Variants in PTGR1 observed in about 807,000 individuals in gnomAD.
The protein encoded by PTGR1 is prostaglandin reductase 1.
Under a neutral mutation model 37.7 loss-of-function variants are expected in PTGR1, and 23 were observed. That is an observed-to-expected ratio of 0.61 (90% CI 0.44 to 0.86). The LOEUF is 0.86. PTGR1 is among the 40% of genes least tolerant of loss of function. The pLI, the probability that PTGR1 is intolerant of heterozygous loss-of-function variation, is 0.00. For missense variants in PTGR1, 351 were observed against 394.3 expected (o/e 0.89, Z 0.93); for synonymous variants, 134 against 140.0 (o/e 0.96, Z 0.30).
At chr9:111,597,555 C>T in intron 1 of PTGR1, 123 bp from the exon 2 acceptor site, 1 of 617,078 alleles carries the variant, frequency 1.6e-6, no homozygotes, top group Non-Finnish European at 2.9e-6. Context: ...ATTATCATAT[C>T]ATGCCAACCA....
rs767824320 is a variant in PTGR1 at position 111,589,365 on chromosome 9, T to A, written c.210-3200A>T. 22 of 887,640 alleles carry A rather than the reference T, an allele frequency of 2.5e-5. No individual in the cohort carries two copies. The Admixed American group carries it at 2.5e-4, about 10-fold the overall frequency. The allele number at this position is 887,640 out of a possible 1,614,324, so 55.0% of individuals were successfully genotyped here. On this transcript the variant is annotated intron_variant, in intron 4 of 9. Transcript: ENST00000407693. ...AAGATCCATAGACGATTTCTACCAA[T>A]GGTATTATAATAACTGGCTAGTCAT...
At chr9:111,571,539 T>C (rs1407604321) in intron 8 of PTGR1, among the ~76,000 whole-genome samples, 1 of 150,750 alleles carries the variant, frequency 6.6e-6, no homozygotes, top group Non-Finnish European at 1.5e-5. Flanking sequence ...AGTAAAGTGG[T>C]GCCATCACTG....
chr9:111,591,757 T>G (rs1357515872), intron 4 of PTGR1, among the ~76,000 whole-genome samples: 1 of 152,142 alleles, frequency 6.6e-6, no homozygotes, highest in Non-Finnish European at 1.5e-5. Flanking sequence ...AAAAATTTTG[T>G]TTTATTTGAA....
downstream of PTGR1, among the ~76,000 whole-genome samples, chr9:111,558,764 T>C (rs1287118550): frequency 1.3e-5 from 2 of 152,180 alleles, no homozygotes; most frequent in Non-Finnish European, 2.9e-5. Flanking sequence ...CATACCTATT[T>C]TTTTGTCTCA....
downstream of PTGR1, among the ~76,000 whole-genome samples, chr9:111,560,111 C>A (rs925784969): frequency 5.9e-5 from 9 of 151,324 alleles, no homozygotes. Flanking sequence ...TTTGGGAGGC[C>A]TAGGTGGGTG....
rs975527524 is a variant in PTGR1 at position 111,567,474 on chromosome 9, C to T, written c.879+2617G>A. ...TGCTGGGATTACAAGTGTGAACCACCGTGCCAGTCCAGACGGCACTTTTTA... is the reference window on the plus strand; with the variant it reads ...TGCTGGGATTACAAGTGTGAACCACTGTGCCAGTCCAGACGGCACTTTTTA... On this transcript the variant is annotated intron_variant, in intron 9 of 9. Transcript: ENST00000407693. 5.3e-5 allele frequency among the ~76,000 whole-genome samples: 8 copies of T among 152,130 alleles called. No individual in the cohort carries two copies. The East Asian group carries it at 7.7e-4, about 15-fold the overall frequency.
At chr9:111,583,443 A>C in intron 6 of PTGR1, 29 bp downstream of exon 6, 1 of 1,539,262 alleles carries the variant, frequency 6.5e-7, no homozygotes, top group Middle Eastern at 1.7e-4. Flanking sequence ...GTTTTGAATA[A>C]AGGCTTGTTA....
chr9:111,576,575 C>T, intron 7 of PTGR1: 1 of 743,956 alleles, frequency 1.3e-6, no homozygotes, highest in Admixed American at 3.1e-5. Flanking sequence ...AGGCAAGTTA[C>T]TTAACACTTC....
Position 111,576,444 on chromosome 9 carries a change from T to C in PTGR1, c.652-1602A>G, listed in dbSNP as rs139721874. On this transcript the variant is annotated intron_variant, in intron 7 of 9. Transcript: ENST00000407693. ...ATGCTCTGCCTTCTTGTTTCAACTG[T>C]TACACAGAGATGACCAGAGGATGGG... 1,668 of 1,613,878 alleles carry C rather than the reference T, an allele frequency of 1.0e-3. 19 individuals are homozygous for C. In the African/African-American group the frequency reaches 0.02, roughly 19 times the overall value.
intron 8 of PTGR1, among the ~76,000 whole-genome samples, chr9:111,573,970 G>A (rs1172789124): frequency 1.3e-5 from 2 of 152,140 alleles, no homozygotes; most frequent in Admixed American, 6.6e-5. Flanking sequence ...CCCTTTTAGT[G>A]GCAATTGTCA....
intron 6 of PTGR1, among the ~76,000 whole-genome samples, chr9:111,579,386 T>C (rs1829202371): frequency 1.3e-5 from 2 of 152,048 alleles, no homozygotes; most frequent in Non-Finnish European, 2.9e-5. Flanking sequence ...CTTATCCTTT[T>C]TTGATTTTTT....
At chr9:111,585,900 C>T (rs1829414685) in intron 5 of PTGR1, 98 bp downstream of exon 5, 1 of 1,373,978 alleles carries the variant, frequency 7.3e-7, no homozygotes, top group Admixed American at 1.9e-5. Flanking sequence ...GCCTATCATG[C>T]ATCAAATATC....
chr9:111,598,685 G>A (rs1829854804), intron 1 of PTGR1, among the ~76,000 whole-genome samples: 1 of 151,920 alleles, frequency 6.6e-6, no homozygotes, highest in Admixed American at 6.6e-5. Flanking sequence ...AGTAGAGACG[G>A]GGTTTCCCCA....
chr9:111,591,774 C>T (rs1295300891), intron 4 of PTGR1, among the ~76,000 whole-genome samples: 1 of 152,114 alleles, frequency 6.6e-6, no homozygotes, highest in East Asian at 1.9e-4. Flanking sequence ...TGAATTTTTA[C>T]AATAATCATT....
downstream of PTGR1, among the ~76,000 whole-genome samples, chr9:111,561,800 C>G (rs1424769105): frequency 6.6e-6 from 1 of 151,734 alleles, no homozygotes; most frequent in African/African-American, 2.4e-5. Context: ...AATCTTAAGA[C>G]TTCAAAATCA....
Position 111,592,831 on chromosome 9 carries a change from G to A in PTGR1, c.209+95C>T, listed in dbSNP as rs1275288763. On this transcript the variant is annotated intron_variant, in intron 4 of 9. Coordinates refer to ENST00000407693, the MANE Select transcript of PTGR1 (RefSeq NM_001146108.2). ...ACACAGTGAGTCAACAACATAGGCT[G>A]AAGAAATTGTAGGAGCAATGGACAG... 7.3e-6 allele frequency: 11 copies of A among 1,508,720 alleles called. No individual in the cohort carries two copies. The East Asian group carries it at 2.3e-4, about 31-fold the overall frequency. The allele number at this position is 1,508,720 out of a possible 1,614,324, so 93.5% of individuals were successfully genotyped here.
At position 111,588,682 on chromosome 9, in the gene PTGR1, C is replaced by T. The variant is rs140462872; in HGVS notation, c.210-2517G>A. Among the ~76,000 whole-genome samples, 292 of 152,174 alleles carry T rather than the reference C, an allele frequency of 1.9e-3. 4 individuals are homozygous for T. The East Asian group carries it at 0.048, about 25-fold the overall frequency. On this transcript the variant is annotated intron_variant, in intron 4 of 9. Coordinates refer to ENST00000407693, the MANE Select transcript of PTGR1 (RefSeq NM_001146108.2). The stretch of plus-strand genomic sequence containing the variant: ...CTAGGATTACAGGCGCCCACCACCA[C>T]GCCTGGCTAATTTTTGTATTTTTAG...
intron 6 of PTGR1, among the ~76,000 whole-genome samples, chr9:111,582,077 G>GA (rs1829297713): frequency 6.6e-6 from 1 of 151,714 alleles, no homozygotes; most frequent in South Asian, 2.1e-4. Flanking sequence ...AGTAATTAGA[G>GA]AAAAAAGAAC....
At position 111,562,995 on chromosome 9, in the gene PTGR1, A is replaced by T; in HGVS notation, c.*126T>A. ...CATACCACTTAAATGTATTTTATTAAGTAGCTCAAACTCATTATGAGTACT... is the reference window on the plus strand; with the variant it reads ...CATACCACTTAAATGTATTTTATTATGTAGCTCAAACTCATTATGAGTACT... On this transcript the variant is annotated 3_prime_UTR_variant, in exon 10 of 10. Transcript: ENST00000407693. 1 of 1,432,844 alleles carries T rather than the reference A, an allele frequency of 7.0e-7. No individual in the cohort carries two copies. The highest frequency in any genetic ancestry group is 2.5e-5 in the East Asian group (1 of 40,078). The allele number at this position is 1,432,844 out of a possible 1,614,324, so 88.8% of individuals were successfully genotyped here.
Sources: gnomAD v4.1 joint callset for allele counts (sites outside exome capture counted in the v4.1 genomes callset) on GRCh38, gnomAD v4.1.1 for gene constraint, MANE v1.5 for transcripts, NCBI Gene and HGNC (gene_info 2026-07-23, HGNC 2026-07-21) for gene names.